The following ATP1A4 variants were observed in gnomAD, a reference collection of about 807,000 sequenced individuals.
ATP1A4 encodes the protein ATPase Na+/K+ transporting subunit alpha 4.
ATP1A4 carries 90 observed loss-of-function variants against 114.3 expected under a neutral mutation model. That is an observed-to-expected ratio of 0.79 (90% CI 0.66 to 0.94). ATP1A4 has a LOEUF of 0.94. Among genes scored for constraint, ATP1A4 ranks in the 40% least tolerant of loss-of-function variants. ATP1A4 has a pLI of 0.00. For missense variants in ATP1A4, 1,222 were observed against 1,313.6 expected, an observed-to-expected ratio of 0.93 and a Z score of 1.08; for synonymous variants, 511 against 494.1, an observed-to-expected ratio of 1.03 and a Z score of -0.45.
At chr1:160,162,793 A>G (rs978242212) in intron 6 of ATP1A4, among the ~76,000 whole-genome samples, 8 of 152,226 alleles carry the variant, frequency 5.3e-5, no homozygotes, top group Non-Finnish European at 5.9e-5. Flanking sequence ...GGGCTCTACC[A>G]GAAGGGTAAC....
In ATP1A4 at chr1:160,186,374, C is replaced by T. The variant is rs754578219; in HGVS notation, c.3061+7C>T. 5 of 1,605,264 alleles carry T rather than the reference C, an allele frequency of 3.1e-6. No individual in the cohort carries two copies. Among genetic ancestry groups the T allele is most frequent in the Non-Finnish European group, 4.3e-6 (5 of 1,173,288 alleles). ...ATCCGTCAGCACCCGGATGGTGAGG[C>T]TCCCCTGGGCCCCGCTCTGACTGAG... On this transcript the variant is annotated splice_region_variant and intron_variant, in intron 21 of 21. Coordinates refer to ENST00000368081, the MANE Select transcript of ATP1A4 (RefSeq NM_144699.4).
chr1:160,167,292 T>A lies in ATP1A4; in HGVS notation c.1371T>A (p.Gly457=). Residue 457 remains glycine (G), a synonymous_variant, in exon 10 of 22, where the codon GGT becomes GGA. Transcript: ENST00000368081. The part of the protein sequence containing the change: ...ILPIAKRATT[G]DASESALLKF... ...CATCCTGGCAGAGGGCCACAACAGG[T>A]GATGCTTCCGAGTCAGCCCTCCTCA... The A allele has an allele frequency of 6.2e-7, 1 of 1,606,654 alleles. No individual in the cohort carries two copies. Among genetic ancestry groups the A allele is most frequent in the Non-Finnish European group, 8.5e-7 (1 of 1,177,522 alleles).
intron 6 of ATP1A4, among the ~76,000 whole-genome samples, chr1:160,163,816 C>T (rs910282105): frequency 6.6e-6 from 1 of 152,178 alleles, no homozygotes; most frequent in Non-Finnish European, 1.5e-5. Context: ...TCTCTAATCA[C>T]ATGGTTATCT....
intron 6 of ATP1A4, among the ~76,000 whole-genome samples, chr1:160,163,731 A>T (rs1167046677): frequency 6.6e-6 from 1 of 152,176 alleles, no homozygotes; most frequent in African/African-American, 2.4e-5. Context: ...TTACATTATT[A>T]GCCATTGGTG....
chr1:160,158,972 T>C (rs374275938), intron 4 of ATP1A4, 30 bp from the exon 5 acceptor site: 12 of 1,600,212 alleles, frequency 7.5e-6, no homozygotes, highest in Non-Finnish European at 1.0e-5. Flanking sequence ...CCAAAAGTTT[T>C]GGAAATGATC....
intron 11 of ATP1A4, 50 bp downstream of exon 11, chr1:160,171,490 TTATCC>T: frequency 1.2e-6 from 2 of 1,606,276 alleles, no homozygotes; most frequent in Non-Finnish European, 1.7e-6. Flanking sequence ...AAAATGGTTA[TTATCC>T]CTGGGGTGAG....
chr1:160,174,145 C>T lies in ATP1A4; in HGVS notation c.2026C>T (p.Leu676=), dbSNP rs543284492. Reference sequence around the variant, plus strand: ...AGCCATTGTGGTGCATGGTGCAGAACTGAAGGACATACAGTCCAAGCAGCT... The same window carrying T: ...AGCCATTGTGGTGCATGGTGCAGAATTGAAGGACATACAGTCCAAGCAGCT... ...AKAIVVHGAE[L]KDIQSKQLDQ... is the part of the protein sequence containing the mutation. Residue 676 remains leucine, a synonymous_variant, in exon 14 of 22, where the codon CTG becomes TTG. Coordinates refer to ENST00000368081, the MANE Select transcript of ATP1A4 (RefSeq NM_144699.4). The T allele has an allele frequency of 6.2e-7, 1 of 1,614,198 alleles. No homozygotes were observed. Among genetic ancestry groups the T allele is most frequent in the African/African-American group, 1.3e-5 (1 of 75,032 alleles).
rs142215427 is a variant in ATP1A4 at position 160,171,313 on chromosome 1, G to C, written c.1554G>C (p.Pro518=). ...ACGTACTGATGATGAAGGGTGCTCC[G>C]GAGAGGATCTTGGAGTTTTGTTCTA... The part of the protein sequence containing the change: ...QTHVLMMKGA[P]ERILEFCSTF... Residue 518 remains proline (P), a synonymous_variant, in exon 11 of 22, where the codon CCG becomes CCC. Transcript: ENST00000368081. The C allele has an allele frequency of 6.2e-7, 1 of 1,614,110 alleles. No individual in the cohort carries two copies. The highest frequency in any genetic ancestry group is 1.3e-5 in the African/African-American group (1 of 75,026).
In ATP1A4 at chr1:160,166,677, G is replaced by A; in HGVS notation, c.1197G>A (p.Met399Ile). 1.2e-6 allele frequency: 2 copies of A among 1,614,208 alleles called. No homozygotes were observed. Among genetic ancestry groups the A allele is most frequent in the Non-Finnish European group, 1.7e-6 (2 of 1,180,042 alleles). The change falls in exon 8 of 22, where the codon ATG becomes ATA. Residue 399 changes from methionine to isoleucine, a missense_variant. By Grantham distance (10) the Met-to-Ile change is conservative. Transcript: ENST00000368081. Reference protein sequence around the residue: ...LTQNRMTVAHMWFDMTVYEAD... With the variant: ...LTQNRMTVAHIWFDMTVYEAD... ...AGAACCGCATGACCGTCGCCCACAT[G>A]TGGTTTGATATGACCGTGTATGAGG...
chr1:160,184,050 T>C (rs920631703), intron 20 of ATP1A4, among the ~76,000 whole-genome samples: 2 of 151,838 alleles, frequency 1.3e-5, no homozygotes, highest in Non-Finnish European at 2.9e-5. Flanking sequence ...CCCCGCTGGT[T>C]CAAGCAATTC....
intron 18 of ATP1A4, among the ~76,000 whole-genome samples, chr1:160,178,994 G>C (rs760974805): frequency 1.3e-5 from 2 of 152,216 alleles, no homozygotes; most frequent in African/African-American, 4.8e-5. Flanking sequence ...TGAGGAACCT[G>C]ATCTAGGAAG....
chr1:160,154,279 A>G (rs1205861404), intron 2 of ATP1A4, among the ~76,000 whole-genome samples: 1 of 152,080 alleles, frequency 6.6e-6, no homozygotes, highest in Non-Finnish European at 1.5e-5. Context: ...ACTTGAATGC[A>G]GGAGAATCAC....
intron 10 of ATP1A4, 83 bp downstream of exon 10, chr1:160,167,495 A>T: frequency 6.4e-6 from 10 of 1,566,054 alleles, no homozygotes; most frequent in Non-Finnish European, 7.8e-6. Context: ...CTCTGCCTTC[A>T]ACTTCACCTC....
chr1:160,155,188 T>C lies in ATP1A4; in HGVS notation c.351T>C (p.Ile117=). Reference sequence around the variant, plus strand: ...CCCTCCTACTATGGACTGGGGCCATTCTCTGCTTTGTGGCCTACAGCATCC... The same window carrying C: ...CCCTCCTACTATGGACTGGGGCCATCCTCTGCTTTGTGGCCTACAGCATCC... ...GFSLLLWTGA[I]LCFVAYSIQI... is the part of the protein sequence containing the mutation. The change falls in exon 3 of 22, where the codon ATT becomes ATC. Residue 117 remains isoleucine, a synonymous_variant. Coordinates refer to ENST00000368081, the MANE Select transcript of ATP1A4 (RefSeq NM_144699.4). 3.1e-6 allele frequency: 5 copies of C among 1,613,710 alleles called. No individual in the cohort carries two copies. Among genetic ancestry groups the C allele is most frequent in the Non-Finnish European group, 4.2e-6 (5 of 1,179,934 alleles).
intron 3 of ATP1A4, 108 bp from the exon 4 acceptor site, chr1:160,155,937 C>A (rs556100924): frequency 5.8e-6 from 4 of 693,874 alleles, no homozygotes; most frequent in Admixed American, 2.1e-5. Context: ...CTCAGTCTTA[C>A]GGTCTCTTAC....
chr1:160,163,010 T>C lies in ATP1A4; in HGVS notation c.779-1146T>C, dbSNP rs995652005. Among the ~76,000 whole-genome samples, 34 of 152,278 alleles carry C rather than the reference T, an allele frequency of 2.2e-4. 1 individual carries two copies. Among genetic ancestry groups the C allele is most frequent in the African/African-American group, 7.7e-4 (32 of 41,560 alleles). ...GACCTTTATTTGTATAAACTAAATA[T>C]GAGGAGAGCAGAACATAATGACCTC... On this transcript the variant is annotated intron_variant, in intron 6 of 21. Coordinates refer to ENST00000368081, the MANE Select transcript of ATP1A4 (RefSeq NM_144699.4).
At chr1:160,184,043 C>A (rs12129510) in intron 20 of ATP1A4, among the ~76,000 whole-genome samples, 1 of 151,162 alleles carries the variant, frequency 6.6e-6, no homozygotes, top group African/African-American at 2.4e-5. Flanking sequence ...AACTCCGCCC[C>A]GCTGGTTCAA....
chr1:160,166,452 A>G lies in ATP1A4; in HGVS notation c.1048-76A>G. On this transcript the variant is annotated intron_variant, in intron 7 of 21. Transcript: ENST00000368081. ...AAAAATCAAAATAGCATTAAAAATG[A>G]TCAAATATCCACAATGCAAAATGGT... 1.3e-6 allele frequency: 2 copies of G among 1,541,670 alleles called. 1 individual carries two copies. The highest frequency in any genetic ancestry group is 2.7e-5 in the African/African-American group (2 of 72,872).
In ATP1A4 at chr1:160,164,253, C is replaced by T. The variant is rs1338908224; in HGVS notation, c.876C>T (p.Ile292=). The change falls in exon 7 of 22, where the codon ATC becomes ATT. Residue 292 remains isoleucine (I), a synonymous_variant. Transcript: ENST00000368081. ...TSGLAVGQTP[I]AAEIEHFIHL... ...GCCTGGCGGTTGGCCAGACACCTAT[C>T]GCTGCTGAGATCGAACACTTCATCC... 3.1e-6 allele frequency: 5 copies of T among 1,614,080 alleles called. No individual in the cohort carries two copies. The highest frequency in any genetic ancestry group is 1.3e-5 in the African/African-American group (1 of 74,928).
Sources: gnomAD v4.1 joint callset for allele counts (sites outside exome capture counted in the v4.1 genomes callset) on GRCh38, gnomAD v4.1.1 for gene constraint, MANE v1.5 for transcripts, NCBI Gene and HGNC (gene_info 2026-07-23, HGNC 2026-07-21) for gene names.